FBH1: variants seen among roughly 807,000 people sequenced by gnomAD.
FBH1 encodes DNA 3'-5' helicase 1.
FBH1 carries 43 observed loss-of-function variants against 115.5 expected under a neutral mutation model. That is an observed-to-expected ratio of 0.37 (90% CI 0.29 to 0.48). The LOEUF (loss-of-function observed/expected upper bound fraction) is 0.48, where lower values mean the gene tolerates loss of function less well. Ranked by LOEUF, FBH1 falls within the 20% of genes least tolerant of loss-of-function variation. The pLI is 0.99. For synonymous variants in FBH1, 524 were observed against 507.8 expected (o/e 1.03, Z -0.43); for missense variants, 1,001 against 1,337.3 (o/e 0.75, Z 3.92).
chr10:5,898,691 T>C (rs1293247841), intron 1 of FBH1, among the ~76,000 whole-genome samples: 1 of 152,224 alleles, frequency 6.6e-6, no homozygotes, highest in Non-Finnish European at 1.5e-5. Flanking sequence ...ATTACAGGCA[T>C]GAGCCACTGT....
Position 5,895,117 on chromosome 10 carries a change from C to T in FBH1, c.1+4771C>T. On this transcript the variant is annotated intron_variant, in intron 1 of 20. Transcript: ENST00000362091. The surrounding 1 kb of genome is among the most constrained non-coding windows in gnomAD (Gnocchi z 5.0). ...ATAATGGGCTACATTGCGCAGGGCCCCTGGGCCATCTCCACAGGAGATGCC... is the reference window on the plus strand; with the variant it reads ...ATAATGGGCTACATTGCGCAGGGCCTCTGGGCCATCTCCACAGGAGATGCC... 2 of 1,614,022 alleles carry T rather than the reference C, an allele frequency of 1.2e-6. No homozygotes were observed. The highest frequency in any genetic ancestry group is 1.7e-6 in the Non-Finnish European group (2 of 1,179,954).
At chr10:5,922,953 G>T (rs1331089197) in intron 15 of FBH1, among the ~76,000 whole-genome samples, 1 of 151,914 alleles carries the variant, frequency 6.6e-6, no homozygotes, top group Admixed American at 6.6e-5. Flanking sequence ...GTGTGATCTC[G>T]GTTTGCTGTA....
rs1564453105 is a variant in FBH1, at chr10:5,918,426, CG to C, written c.2050del (p.Val684SerfsTer25). The C allele has an allele frequency of 6.2e-7, 1 of 1,612,012 alleles. No homozygotes were observed. On this transcript the variant is annotated frameshift_variant, in exon 13 of 21. Coordinates refer to ENST00000362091, the MANE Select transcript of FBH1 (RefSeq NM_178150.3). LOFTEE classifies it high-confidence loss of function. This position sits in a 1 kb window ranked among gnomAD's most constrained non-coding sequence, Gnocchi z 4.0. ...CAGCAGATCTATACCTTCCGGGGTG[CG>C]GTCAACGCCCTGTTCACAGTGCCCC... ...PHQQIYTFRG[A>X]VNALFTVPHT... is the part of the protein sequence containing the mutation.
At position 5,911,162 on chromosome 10, in the gene FBH1, G is replaced by A. The variant is rs769451535; in HGVS notation, c.1211+34G>A. The A allele has an allele frequency of 1.3e-6, 2 of 1,580,038 alleles. No homozygotes were observed. Among genetic ancestry groups the A allele is most frequent in the African/African-American group, 1.3e-5 (1 of 74,220 alleles). On this transcript the variant is annotated intron_variant, in intron 6 of 20. Coordinates refer to ENST00000362091, the MANE Select transcript of FBH1 (RefSeq NM_178150.3). The surrounding 1 kb of genome is among the most constrained non-coding windows in gnomAD (Gnocchi z 5.4). ...CCGGGAGGAGGGGAGGGGATGCTGTGATAATGGGAGAGTCCCAGACACAGC... is the reference window on the plus strand; with the variant it reads ...CCGGGAGGAGGGGAGGGGATGCTGTAATAATGGGAGAGTCCCAGACACAGC...
At position 5,936,940 on chromosome 10, in the gene FBH1, G is replaced by C; in HGVS notation, c.2962-170G>C. 3 of 714,950 alleles carry C rather than the reference G, an allele frequency of 4.2e-6. No individual in the cohort carries two copies. Among genetic ancestry groups the C allele is most frequent in the Non-Finnish European group, 6.8e-6 (3 of 439,800 alleles). 44.3% of individuals were successfully genotyped at this position (714,950 alleles called of 1,614,324 possible). A position where few individuals can be genotyped will look rare whatever the true frequency, so the allele number is the denominator to read the frequency against. The stretch of plus-strand genomic sequence containing the variant: ...AATTTGGGGGTGTTGAGGCCACCTA[G>C]TTGGTGGTGCTGTGGGAGGTGTTAC... On this transcript the variant is annotated intron_variant, in intron 20 of 20. Transcript: ENST00000362091. This position sits in a 1 kb window ranked among gnomAD's most constrained non-coding sequence, Gnocchi z 5.6.
In FBH1 at chr10:5,927,432, T is replaced by C; in HGVS notation, c.2723-3T>C. 1.2e-6 allele frequency: 2 copies of C among 1,608,822 alleles called. No homozygotes were observed. Among genetic ancestry groups the C allele is most frequent in the Non-Finnish European group, 8.5e-7 (1 of 1,177,100 alleles). On this transcript the variant is annotated splice_region_variant and splice_polypyrimidine_tract_variant and intron_variant, in intron 18 of 20. Coordinates refer to ENST00000362091, the MANE Select transcript of FBH1 (RefSeq NM_178150.3). ...TGATTTTTTTCCCCTTTACTTTGTT[T>C]AGAGTCATTTTCTGAGGATGAATGG...
At chr10:5,890,685 G>T (rs1842657522) in intron 1 of FBH1, among the ~76,000 whole-genome samples, 1 of 152,214 alleles carries the variant, frequency 6.6e-6, no homozygotes, top group Non-Finnish European at 1.5e-5. Context: ...GCTGCTAGGA[G>T]GCCAGGCTTT....
rs1832079642 is a variant in FBH1 at position 5,918,024 on chromosome 10, C to A, written c.1964-318C>A. ...GGAGAGAACAGACAGTGTTATCCGT[C>A]TGACTTTGTAGGTCAATTTTGAGTG... On this transcript the variant is annotated intron_variant, in intron 12 of 20. Transcript: ENST00000362091. This position sits in a 1 kb window ranked among gnomAD's most constrained non-coding sequence, Gnocchi z 4.0. Among the ~76,000 whole-genome samples the A allele has an allele frequency of 6.6e-6, 1 of 152,206 alleles. No homozygotes were observed. The highest frequency in any genetic ancestry group is 1.5e-5 in the Non-Finnish European group (1 of 68,040).
Position 5,936,977 on chromosome 10 carries a change from G to C in FBH1, c.2962-133G>C. On this transcript the variant is annotated intron_variant, in intron 20 of 20. Transcript: ENST00000362091. The surrounding 1 kb of genome is among the most constrained non-coding windows in gnomAD (Gnocchi z 5.6). ...GTGGGAGGTGTTACTCTGAGGATGT[G>C]CACCCCTCTGAAAACATCAGAATCC... 1 of 1,007,696 alleles carries C rather than the reference G, an allele frequency of 9.9e-7. No homozygotes were observed. The highest frequency in any genetic ancestry group is 1.4e-6 in the Non-Finnish European group (1 of 701,438). The allele number at this position is 1,007,696 out of a possible 1,614,324, so 62.4% of individuals were successfully genotyped here.
In FBH1 at chr10:5,909,015, A is replaced by G; in HGVS notation, c.844A>G (p.Ile282Val). The G allele has an allele frequency of 6.2e-7, 1 of 1,614,236 alleles. No individual in the cohort carries two copies. The highest frequency in any genetic ancestry group is 1.7e-5 in the Admixed American group (1 of 60,028). ...KVDGILSNCG[I>V]EKESDLCVLN... ...GGACGGCATCCTGTCTAACTGTGGC[A>G]TAGAAAAGGAGTCAGACCTGTGTGT... Residue 282 changes from isoleucine (I) to valine (V), a missense_variant, in exon 4 of 21, where the codon ATA becomes GTA. By Grantham distance (29) the Ile-to-Val change is conservative (BLOSUM62 3). Around this residue, in one of 4 missense-constraint regions of FBH1, gnomAD observed 420 missense variants for 430.4 expected, o/e 0.98. Transcript: ENST00000362091. The surrounding 1 kb of genome is among the most constrained non-coding windows in gnomAD (Gnocchi z 4.4).
rs1564447971 is a variant in FBH1 at position 5,913,860 on chromosome 10, GCGTGTGTTTTGTCTT to G, written c.1304+23_1304+37del. On this transcript the variant is annotated intron_variant, in intron 7 of 20. Coordinates refer to ENST00000362091, the MANE Select transcript of FBH1 (RefSeq NM_178150.3). The surrounding 1 kb of genome is among the most constrained non-coding windows in gnomAD (Gnocchi z 4.4). ...CCAGGGTATGTGTATATGTGCGTCA[GCGTGTGTTTTGTCTT>G]CTGTCGACTCTTCCTCATACTTAAG... The G allele has an allele frequency of 6.4e-7, 1 of 1,562,282 alleles. No individual in the cohort carries two copies. The highest frequency in any genetic ancestry group is 1.9e-5 in the Admixed American group (1 of 51,670).
Position 5,921,591 on chromosome 10 carries a change from C to T in FBH1, c.2322+22C>T, listed in dbSNP as rs924527347. On this transcript the variant is annotated intron_variant, in intron 15 of 20. Transcript: ENST00000362091. The surrounding 1 kb of genome is among the most constrained non-coding windows in gnomAD (Gnocchi z 6.4). ...TGGGGTAAGAGTACATTTCTGTTGACCACTTCATGCACAGAAACGTTGTAG... is the reference window on the plus strand; with the variant it reads ...TGGGGTAAGAGTACATTTCTGTTGATCACTTCATGCACAGAAACGTTGTAG... 1 of 1,587,828 alleles carries T rather than the reference C, an allele frequency of 6.3e-7. No individual in the cohort carries two copies. Among genetic ancestry groups the T allele is most frequent in the African/African-American group, 1.4e-5 (1 of 73,042 alleles).
intron 10 of FBH1, among the ~76,000 whole-genome samples, chr10:5,916,698 G>C (rs1230383476): frequency 1.6e-5 from 2 of 125,468 alleles, no homozygotes; most frequent in African/African-American, 3.1e-5. Flanking sequence ...TCTGAGGATG[G>C]GGGAACGGGA....
intron 2 of FBH1, among the ~76,000 whole-genome samples, chr10:5,904,748 CT>C (rs1227748220): frequency 6.6e-6 from 1 of 152,086 alleles, no homozygotes; most frequent in African/African-American, 2.4e-5. Context: ...GGATTTAACC[CT>C]GATCATATGG....
Position 5,910,551 on chromosome 10 carries a change from G to A in FBH1, c.1021-387G>A, listed in dbSNP as rs1366709114. On this transcript the variant is annotated intron_variant, in intron 5 of 20. Coordinates refer to ENST00000362091, the MANE Select transcript of FBH1 (RefSeq NM_178150.3). The surrounding 1 kb of genome is among the most constrained non-coding windows in gnomAD (Gnocchi z 4.8). ...CGTCTCTCATGCCTCTTGGGTGGGCGCCCCTTGCTGGCTGTTTTGCTCTGG... is the reference window on the plus strand; with the variant it reads ...CGTCTCTCATGCCTCTTGGGTGGGCACCCCTTGCTGGCTGTTTTGCTCTGG... Among the ~76,000 whole-genome samples the A allele has an allele frequency of 6.6e-6, 1 of 151,960 alleles. No homozygotes were observed. Among genetic ancestry groups the A allele is most frequent in the Non-Finnish European group, 1.5e-5 (1 of 67,990 alleles).
rs929513321 is a variant in FBH1 at position 5,900,281 on chromosome 10, A to G, written c.2-2739A>G. 1.3e-5 allele frequency among the ~76,000 whole-genome samples: 2 copies of G among 152,250 alleles called. No homozygotes were observed. Among genetic ancestry groups the G allele is most frequent in the African/African-American group, 4.8e-5 (2 of 41,454 alleles). ...GATAATTTGACAGACAGTTTTGAGC[A>G]TATTTTCTCATCTGTTCCTGATGAC... is the stretch of plus-strand genomic sequence containing the variant. On this transcript the variant is annotated intron_variant, in intron 1 of 20. Transcript: ENST00000362091. This position sits in a 1 kb window ranked among gnomAD's most constrained non-coding sequence, Gnocchi z 4.2.
Position 5,902,885 on chromosome 10 carries a change from G to T in FBH1, c.2-135G>T, listed in dbSNP as rs966616225. 142 of 685,554 alleles carry T rather than the reference G, an allele frequency of 2.1e-4. 1 individual carries two copies. The highest frequency in any genetic ancestry group is 4.2e-4 in the Middle Eastern group (1 of 2,384). 42.5% of individuals were successfully genotyped at this position (685,554 alleles called of 1,614,324 possible). ...AGGACAAAGTTGGGGGGCAAGGGGA[G>T]GGGGGAACGGTTGGCTGGGGTGTTG... On this transcript the variant is annotated intron_variant, in intron 1 of 20. Transcript: ENST00000362091.
rs147059493 is a variant in FBH1, at chr10:5,906,161, C to A, written c.282C>A (p.Ile94=). ...DSCQDSEGDM[I]FPAESSCALP... is the part of the protein sequence containing the mutation. ...GTCAGGACTCTGAGGGTGACATGATCTTTCCTGCAGAGAGCAGCTGTGCAC... is the reference window on the plus strand; with the variant it reads ...GTCAGGACTCTGAGGGTGACATGATATTTCCTGCAGAGAGCAGCTGTGCAC... The change falls in exon 3 of 21, where the codon ATC becomes ATA. Residue 94 remains isoleucine, a synonymous_variant. Coordinates refer to ENST00000362091, the MANE Select transcript of FBH1 (RefSeq NM_178150.3). The surrounding 1 kb of genome is among the most constrained non-coding windows in gnomAD (Gnocchi z 7.3). The A allele has an allele frequency of 6.2e-7, 1 of 1,614,184 alleles. No homozygotes were observed. Among genetic ancestry groups the A allele is most frequent in the African/African-American group, 1.3e-5 (1 of 75,054 alleles).
intron 2 of FBH1, 53 bp downstream of exon 2, chr10:5,903,228 T>G: frequency 7.2e-7 from 1 of 1,397,630 alleles, no homozygotes; most frequent in Non-Finnish European, 9.7e-7. Flanking sequence ...TGTGGGTCCT[T>G]TGACTATCTC....
Sources: allele counts gnomAD v4.1 joint callset (sites outside exome capture counted in the v4.1 genomes callset), GRCh38; gene constraint gnomAD v4.1.1; regional missense constraint gnomAD v4.1.1; non-coding constraint Gnocchi (gnomAD v3.1); transcripts MANE v1.5; gene names NCBI Gene and HGNC (gene_info 2026-07-23, HGNC 2026-07-21).